Variants in ILRUN observed in about 807,000 individuals in gnomAD.
ILRUN encodes protein ILRUN.
Under a neutral mutation model 33.8 loss-of-function variants are expected in ILRUN, and 3 were observed. The ratio of observed to expected loss-of-function variants is 0.09; its 90% CI spans 0.04 to 0.23. The LOEUF is 0.23. ILRUN is among the 10% of genes least tolerant of loss of function. The probability of loss-of-function intolerance (pLI) is 1.00; values close to 1 mark genes in which losing one functional copy is unlikely to be tolerated. For synonymous variants in ILRUN, 124 were observed against 138.9 expected (o/e 0.89, Z 0.75); for missense variants, 210 against 375.1 (o/e 0.56, Z 3.64).
At chr6:34,595,137 AC>A (rs1282942685) in intron 4 of ILRUN, among the ~76,000 whole-genome samples, 2 of 152,228 alleles carry the variant, frequency 1.3e-5, no homozygotes, top group African/African-American at 2.4e-5. Context: ...CTCAAAGCAA[AC>A]CTAAAAATAA....
chr6:34,694,633 T>G (rs1295656193), intron 1 of ILRUN, among the ~76,000 whole-genome samples: 5 of 152,194 alleles, frequency 3.3e-5, no homozygotes, highest in Admixed American at 1.3e-4. Context: ...AATGATTAAT[T>G]CTAAAGACTA....
At chr6:34,661,988 G>A (rs973854534) in intron 1 of ILRUN, among the ~76,000 whole-genome samples, 6 of 151,986 alleles carry the variant, frequency 3.9e-5, no homozygotes, top group African/African-American at 1.4e-4. Flanking sequence ...AGCCGGGCGT[G>A]GTGGCGGGCG....
chr6:34,658,801 C>A (rs1278311233), intron 1 of ILRUN, among the ~76,000 whole-genome samples: 1 of 152,032 alleles, frequency 6.6e-6, no homozygotes, highest in African/African-American at 2.4e-5. Context: ...GGGCAAGACT[C>A]CATCTCAAGA....
In ILRUN at chr6:34,646,893, T is replaced by C; in HGVS notation, c.314-95A>G. 2 of 1,100,390 alleles carry C rather than the reference T, an allele frequency of 1.8e-6. No individual in the cohort carries two copies. The highest frequency in any genetic ancestry group is 3.0e-4 in the Middle Eastern group (1 of 3,384). 68.2% of individuals were successfully genotyped at this position (1,100,390 alleles called of 1,614,324 possible). On this transcript the variant is annotated intron_variant, in intron 2 of 4. Coordinates refer to ENST00000374023, the MANE Select transcript of ILRUN (RefSeq NM_024294.4). The surrounding 1 kb of genome is among the most constrained non-coding windows in gnomAD (Gnocchi z 4.9). ...ACTGTAGAAGAGGCCTCTTTCTTTT[T>C]CTCACATACATACATAAACCTAACC...
intron 1 of ILRUN, among the ~76,000 whole-genome samples, chr6:34,690,585 T>TAA (rs767465623): frequency 5.3e-5 from 8 of 151,040 alleles, no homozygotes; most frequent in Admixed American, 1.3e-4. Flanking sequence ...TGGTTTCCCA[T>TAA]CAAAAAAAAG....
chr6:34,609,863 A>T (rs1350374033), intron 3 of ILRUN, among the ~76,000 whole-genome samples: 1 of 152,188 alleles, frequency 6.6e-6, no homozygotes, highest in Non-Finnish European at 1.5e-5. Context: ...TACACTTATC[A>T]TCAAAGAAAA....
chr6:34,650,905 T>C (rs1668007101), intron 2 of ILRUN, among the ~76,000 whole-genome samples: 1 of 152,162 alleles, frequency 6.6e-6, no homozygotes, highest in African/African-American at 2.4e-5. Context: ...ATAAAAATTA[T>C]TATTTATGTA....
At chr6:34,590,636 A>G (rs765778265) in intron 4 of ILRUN, 36 bp from the exon 5 acceptor site, 1 of 1,451,942 alleles carries the variant, frequency 6.9e-7, no homozygotes, top group Non-Finnish European at 9.7e-7. Context: ...GATGGTACAC[A>G]TAGCAGTGCA....
chr6:34,590,277 G>C lies in ILRUN; in HGVS notation c.*288C>G, dbSNP rs1582025320. The C allele has an allele frequency of 4.1e-6, 1 of 242,524 alleles. No individual in the cohort carries two copies. Among genetic ancestry groups the C allele is most frequent in the African/African-American group, 2.3e-5 (1 of 44,428 alleles). The allele number at this position is 242,524 out of a possible 1,614,324, so 15.0% of individuals were successfully genotyped here. A position where few individuals can be genotyped will look rare whatever the true frequency, so the allele number is the denominator to read the frequency against. On this transcript the variant is annotated 3_prime_UTR_variant, in exon 5 of 5. Coordinates refer to ENST00000374023, the MANE Select transcript of ILRUN (RefSeq NM_024294.4). Reference sequence around the variant, plus strand: ...CATTTTAAACTTTTTCCCCCTTCCCGAGTGACCTAATGACTTGTTAGACTG... The same window carrying C: ...CATTTTAAACTTTTTCCCCCTTCCCCAGTGACCTAATGACTTGTTAGACTG...
At chr6:34,683,516 A>ATGTG (rs1491521733) in intron 1 of ILRUN, among the ~76,000 whole-genome samples, 78 of 54,622 alleles carry the variant, frequency 1.4e-3, no homozygotes, top group East Asian at 8.0e-3. Context: ...ATATATATAC[A>ATGTG]TATATATATA....
chr6:34,665,114 ACAC>A (rs1762966802), intron 1 of ILRUN, among the ~76,000 whole-genome samples: 1 of 150,136 alleles, frequency 6.7e-6, no homozygotes, highest in African/African-American at 2.4e-5. Flanking sequence ...GTACAGGTGC[ACAC>A]CACAACATCT....
chr6:34,619,643 C>G (rs1290812378), intron 3 of ILRUN, among the ~76,000 whole-genome samples: 3 of 152,148 alleles, frequency 2.0e-5, no homozygotes, highest in Non-Finnish European at 4.4e-5. Context: ...GCATGAGCCA[C>G]CACATCTGGC....
chr6:34,682,350 C>T (rs1763385519), intron 1 of ILRUN, among the ~76,000 whole-genome samples: 2 of 151,368 alleles, frequency 1.3e-5, no homozygotes, highest in East Asian at 1.9e-4. Flanking sequence ...CTCCGCCTCC[C>T]GGGTTCACGC....
Position 34,681,558 on chromosome 6 carries a change from G to GT in ILRUN, c.158+14887dup, listed in dbSNP as rs1763357713. 2.6e-5 allele frequency among the ~76,000 whole-genome samples: 4 copies of GT among 152,266 alleles called. No individual in the cohort carries two copies. The South Asian group carries it at 8.3e-4, about 32-fold the overall frequency. The stretch of plus-strand genomic sequence containing the variant: ...GCAGGAGAATTGGTTGAGCTCAGGA[G>GT]TTTGAGACCAGTCTGCCAACATAGC... On this transcript the variant is annotated intron_variant, in intron 1 of 4. Coordinates refer to ENST00000374023, the MANE Select transcript of ILRUN (RefSeq NM_024294.4).
chr6:34,635,740 G>A (rs771811927), intron 3 of ILRUN, among the ~76,000 whole-genome samples: 5 of 150,298 alleles, frequency 3.3e-5, no homozygotes, highest in Admixed American at 6.7e-5. Context: ...CTCCTGTATC[G>A]GCCTCCCAAG....
At chr6:34,608,249 C>T (rs891992885) in intron 3 of ILRUN, among the ~76,000 whole-genome samples, 1 of 151,980 alleles carries the variant, frequency 6.6e-6, no homozygotes, top group African/African-American at 2.4e-5. Flanking sequence ...AAAAAACTAG[C>T]TGGGCATAGT....
chr6:34,682,264 T>G (rs889855303), intron 1 of ILRUN, among the ~76,000 whole-genome samples: 2 of 137,870 alleles, frequency 1.5e-5, no homozygotes, highest in Admixed American at 7.2e-5. Flanking sequence ...TTTTTTTTTT[T>G]TTTTTTTTTT....
At chr6:34,636,457 T>C (rs955767556) in intron 3 of ILRUN, among the ~76,000 whole-genome samples, 1 of 152,128 alleles carries the variant, frequency 6.6e-6, no homozygotes, top group Non-Finnish European at 1.5e-5. Context: ...CTGAAAAATA[T>C]CCTTGCCATT....
intron 1 of ILRUN, among the ~76,000 whole-genome samples, chr6:34,670,318 G>A (rs946693527): frequency 1.3e-5 from 2 of 152,150 alleles, no homozygotes; most frequent in South Asian, 2.1e-4. Context: ...CTGGAGTAAC[G>A]AAAGTGTTCT....
Sources: allele counts gnomAD v4.1 joint callset (sites outside exome capture counted in the v4.1 genomes callset), GRCh38; gene constraint gnomAD v4.1.1; non-coding constraint Gnocchi (gnomAD v3.1); transcripts MANE v1.5; gene names NCBI Gene and HGNC (gene_info 2026-07-23, HGNC 2026-07-21).